Variants in UGT2A3 observed in about 807,000 individuals in gnomAD.
UGT2A3 encodes the protein UDP glucuronosyltransferase family 2 member A3, also known as UDP-glucuronosyltransferase 2A3.
Under a neutral mutation model 44.1 loss-of-function variants are expected in UGT2A3, and 55 were observed. The observed-to-expected ratio is 1.25, with a 90% CI of 1.00 to 1.56. The LOEUF (loss-of-function observed/expected upper bound fraction) is 1.56. Among genes scored for constraint, UGT2A3 ranks in the 40% most tolerant of loss-of-function variants. The probability of loss-of-function intolerance (pLI) is 0.00; values close to 1 mark genes in which losing one functional copy is unlikely to be tolerated. For missense variants in UGT2A3, 733 were observed against 621.6 expected (o/e 1.18, Z -1.91); for synonymous variants, 243 against 215.1 (o/e 1.13, Z -1.13).
At chr4:68,932,579 T>G in intron 3 of UGT2A3, 49 bp downstream of exon 3, 2 of 1,560,114 alleles carry the variant, frequency 1.3e-6, no homozygotes, top group Non-Finnish European at 1.7e-6. Flanking sequence ...AAAACCATAC[T>G]GTTTCATTAT....
chr4:68,940,604 G>A (rs947923810), intron 2 of UGT2A3, among the ~76,000 whole-genome samples: 1 of 151,614 alleles, frequency 6.6e-6, no homozygotes, highest in African/African-American at 2.4e-5. Flanking sequence ...GTAATGATGA[G>A]TTGATGCATG....
rs1423246538 is a variant in UGT2A3, at chr4:68,933,230, C to A, written c.865-471G>T. Among the ~76,000 whole-genome samples, 3 of 152,086 alleles carry A rather than the reference C, an allele frequency of 2.0e-5. No individual in the cohort carries two copies. The South Asian group carries it at 6.2e-4, about 32-fold the overall frequency. On this transcript the variant is annotated intron_variant, in intron 2 of 5. Coordinates refer to ENST00000251566, the MANE Select transcript of UGT2A3 (RefSeq NM_024743.4). ...AGAGCTCAGAAGAAAAGTGAAAAAT[C>A]TTATGGGTTCATGGAAATTAAAAAA...
In UGT2A3 at chr4:68,945,533, TAAG is replaced by T. The variant is rs1489185091; in HGVS notation, c.716-82_716-80del. The T allele has an allele frequency of 2.6e-5, 34 of 1,314,216 alleles. No individual in the cohort carries two copies. In the East Asian group the frequency reaches 8.2e-4, roughly 32 times the overall value. 81.4% of individuals were successfully genotyped at this position (1,314,216 alleles called of 1,614,324 possible). A position where few individuals can be genotyped will look rare whatever the true frequency, so the allele number is the denominator to read the frequency against. ...TATCACTAATTTTTCAGTAAGCTATTAAGAAAAAAATAAGTTTAAGTCCTCTAG... is the reference window on the plus strand; with the variant it reads ...TATCACTAATTTTTCAGTAAGCTATTAAAAAAATAAGTTTAAGTCCTCTAG... On this transcript the variant is annotated intron_variant, in intron 1 of 5. Coordinates refer to ENST00000251566, the MANE Select transcript of UGT2A3 (RefSeq NM_024743.4).
rs371733530 is a variant in UGT2A3, at chr4:68,951,016, T to G, written c.715+30A>C. ...TTTTAAAAATATTTCTTTTGATAACTAAATTAAAAATAAAACAAAAGTGTC... is the reference window on the plus strand; with the variant it reads ...TTTTAAAAATATTTCTTTTGATAACGAAATTAAAAATAAAACAAAAGTGTC... On this transcript the variant is annotated intron_variant, in intron 1 of 5. Transcript: ENST00000251566. The G allele has an allele frequency of 3.5e-6, 5 of 1,425,570 alleles. No homozygotes were observed. In the African/African-American group the frequency reaches 7.3e-5, roughly 21 times the overall value. The allele number at this position is 1,425,570 out of a possible 1,614,324, so 88.3% of individuals were successfully genotyped here. A position where few individuals can be genotyped will look rare whatever the true frequency, so the allele number is the denominator to read the frequency against.
At position 68,935,272 on chromosome 4, in the gene UGT2A3, GTATGTATATATATATA is replaced by G. The variant is rs1226313130; in HGVS notation, c.865-2529_865-2514del. On this transcript the variant is annotated intron_variant, in intron 2 of 5. Coordinates refer to ENST00000251566, the MANE Select transcript of UGT2A3 (RefSeq NM_024743.4). ...GACAAGGAGGTGTGTATGTATGTAT[GTATGTATATATATATA>G]TATATATATATATATATATATATAT... Among the ~76,000 whole-genome samples the G allele has an allele frequency of 1.7e-3, 155 of 89,284 alleles. 5 individuals are homozygous for G. Among genetic ancestry groups the G allele is most frequent in the African/African-American group, 5.3e-3 (151 of 28,266 alleles). The allele number at this position is 89,284 out of a possible 152,430, so 58.6% of individuals were successfully genotyped here. A position where few individuals can be genotyped will look rare whatever the true frequency, so the allele number is the denominator to read the frequency against.
chr4:68,937,460 T>A (rs1717995401), intron 2 of UGT2A3, among the ~76,000 whole-genome samples: 1 of 152,114 alleles, frequency 6.6e-6, no homozygotes, highest in Admixed American at 6.6e-5. Context: ...CCTGAATGAC[T>A]ACCAGAGAAA....
rs775132886 is a variant in UGT2A3 at position 68,951,144 on chromosome 4, A to T, written c.617T>A (p.Leu206Gln). ...AAGCATTGAATTTTTTACTCTTTCCAGAAAGGTCATTCTGTCTGTTAGTCC... is the reference window on the plus strand; with the variant it reads ...AAGCATTGAATTTTTTACTCTTTCCTGAAAGGTCATTCTGTCTGTTAGTCC... ...MTGLTDRMTF[L>Q]ERVKNSMLSV... is the part of the protein sequence containing the mutation. The change falls in exon 1 of 6, where the codon CTG (leucine) becomes CAG (glutamine). Residue 206 changes from leucine to glutamine, a missense_variant. Transcript: ENST00000251566. 15 of 1,611,680 alleles carry T rather than the reference A, an allele frequency of 9.3e-6. No homozygotes were observed. The East Asian group carries it at 2.9e-4, about 31-fold the overall frequency.
chr4:68,938,445 C>T (rs372789241), intron 2 of UGT2A3, among the ~76,000 whole-genome samples: 14 of 151,682 alleles, frequency 9.2e-5, no homozygotes, highest in African/African-American at 3.1e-4. Context: ...GCAGAAACAA[C>T]GAGGAAAACC....
rs1269093596 is a variant in UGT2A3 at position 68,951,027 on chromosome 4, TAAAAC to T, written c.715+14_715+18del. On this transcript the variant is annotated intron_variant, in intron 1 of 5. Transcript: ENST00000251566. ...TTTCTTTTGATAACTAAATTAAAAA[TAAAAC>T]AAAAGTGTCTTACCTAATGCCTTAC... The T allele has an allele frequency of 1.7e-5, 25 of 1,469,024 alleles. No individual in the cohort carries two copies. Among genetic ancestry groups the T allele is most frequent in the South Asian group, 2.9e-5 (2 of 69,764 alleles). The allele number at this position is 1,469,024 out of a possible 1,614,324, so 91.0% of individuals were successfully genotyped here.
chr4:68,930,544 A>G lies in UGT2A3; in HGVS notation c.1304+2T>C, dbSNP rs543023869. On this transcript the variant is annotated splice_donor_variant, in intron 5 of 5. Transcript: ENST00000251566. LOFTEE classifies it high-confidence loss of function. ...TCAGTCTGTACAAGCAGTAGTACTTACGAGGAATCGGTAATGACTGTTCTC... is the reference window on the plus strand; with the variant it reads ...TCAGTCTGTACAAGCAGTAGTACTTGCGAGGAATCGGTAATGACTGTTCTC... 14 of 1,604,590 alleles carry G rather than the reference A, an allele frequency of 8.7e-6. No individual in the cohort carries two copies. Among genetic ancestry groups the G allele is most frequent in the African/African-American group, 5.4e-5 (4 of 74,732 alleles).
intron 2 of UGT2A3, among the ~76,000 whole-genome samples, chr4:68,944,049 C>A (rs958630596): frequency 1.3e-5 from 2 of 151,822 alleles, no homozygotes; most frequent in African/African-American, 2.4e-5. Flanking sequence ...AGTGGCCTTA[C>A]AAGGGATGCT....
At chr4:68,930,485 T>A in intron 5 of UGT2A3, 61 bp downstream of exon 5, 1 of 1,413,790 alleles carries the variant, frequency 7.1e-7, no homozygotes, top group Non-Finnish European at 9.6e-7. Flanking sequence ...ATTTAACATT[T>A]TCTGGTATAA....
Position 68,929,645 on chromosome 4 carries a change from C to T in UGT2A3, c.*168G>A, listed in dbSNP as rs530849366. 5.6e-5 allele frequency: 33 copies of T among 584,904 alleles called. No homozygotes were observed. Among genetic ancestry groups the T allele is most frequent in the South Asian group, 2.9e-4 (8 of 27,974 alleles). The allele number at this position is 584,904 out of a possible 1,614,324, so 36.2% of individuals were successfully genotyped here. A position where few individuals can be genotyped will look rare whatever the true frequency, so the allele number is the denominator to read the frequency against. ...AGTAAAGACACCTAGGAAAATACAA[C>T]GAAAGAATGAGATATACTCACAACC... On this transcript the variant is annotated 3_prime_UTR_variant, in exon 6 of 6. Transcript: ENST00000251566.
intron 2 of UGT2A3, among the ~76,000 whole-genome samples, chr4:68,934,975 A>G (rs1031117233): frequency 1.3e-5 from 2 of 151,868 alleles, no homozygotes; most frequent in African/African-American, 4.8e-5. Flanking sequence ...GGAAAAATCT[A>G]GGAAAATAAA....
intron 2 of UGT2A3, among the ~76,000 whole-genome samples, chr4:68,933,247 A>G (rs1717806913): frequency 1.3e-5 from 2 of 152,082 alleles, no homozygotes; most frequent in Non-Finnish European, 2.9e-5. Flanking sequence ...GTTCATGGAA[A>G]TTAAAAAATC....
intron 1 of UGT2A3, among the ~76,000 whole-genome samples, chr4:68,946,778 C>G (rs926626249): frequency 4.0e-5 from 6 of 151,618 alleles, no homozygotes; most frequent in Admixed American, 6.6e-5. Flanking sequence ...AGATAAGTTG[C>G]AGTTCATCTC....
At chr4:68,930,228 A>G in intron 5 of UGT2A3, 136 bp from the exon 6 acceptor site, 2 of 1,054,684 alleles carry the variant, frequency 1.9e-6, no homozygotes, top group Non-Finnish European at 2.7e-6. Context: ...TGTGACATGA[A>G]TATTGTTGGT....
chr4:68,946,749 A>T (rs1485174568), intron 1 of UGT2A3, among the ~76,000 whole-genome samples: 2 of 151,664 alleles, frequency 1.3e-5, no homozygotes, highest in African/African-American at 2.4e-5. Flanking sequence ...CCATACACAC[A>T]TATCTTGGAG....
Position 68,951,574 on chromosome 4 carries a change from A to T in UGT2A3, c.187T>A (p.Leu63Ile). The T allele has an allele frequency of 6.2e-7, 1 of 1,613,072 alleles. No individual in the cohort carries two copies. Among genetic ancestry groups the T allele is most frequent in the Middle Eastern group, 1.7e-4 (1 of 6,056 alleles). ...GCAGAAGGCTTCCTGTAGTCAATTA[A>T]CGAAGGCTTTGAGTGAGTCAATACT... The part of the protein sequence containing the change: ...VTVLTHSKPS[L>I]IDYRKPSALK... Residue 63 changes from leucine (L) to isoleucine (I), a missense_variant, in exon 1 of 6, where the codon TTA becomes ATA. Physicochemically the swap from Leu to Ile is conservative, Grantham distance 5 (BLOSUM62 2). Transcript: ENST00000251566.
Sources: allele counts gnomAD v4.1 joint callset (sites outside exome capture counted in the v4.1 genomes callset), GRCh38; gene constraint gnomAD v4.1.1; transcripts MANE v1.5; gene names NCBI Gene and HGNC (gene_info 2026-07-23, HGNC 2026-07-21).